The following LATS2 variants were observed in gnomAD, a reference collection of about 807,000 sequenced individuals.
The protein encoded by LATS2 is serine/threonine-protein kinase LATS2.
Under a neutral mutation model 76.0 loss-of-function variants are expected in LATS2, and 24 were observed. The ratio of observed to expected loss-of-function variants is 0.32; its 90% confidence interval spans 0.23 to 0.44. LATS2 has a LOEUF of 0.44. LATS2 is among the 20% of genes least tolerant of loss of function. The probability of loss-of-function intolerance (pLI) is 1.00; values close to 1 mark genes in which losing one functional copy is unlikely to be tolerated. For synonymous variants in LATS2, 692 were observed against 635.4 expected, an observed-to-expected ratio of 1.09 and a Z score of -1.34; for missense variants, 1,286 against 1,481.2, an observed-to-expected ratio of 0.87 and a Z score of 2.16.
chr13:21,048,334 C>T (rs1225017233), intron 1 of LATS2, among the ~76,000 whole-genome samples: 5 of 152,172 alleles, frequency 3.3e-5, no homozygotes, highest in Non-Finnish European at 7.3e-5. Context: ...ACACAAATCA[C>T]TTTGTTTCCA....
At chr13:21,037,121 A>C (rs1872709190) in intron 2 of LATS2, among the ~76,000 whole-genome samples, 1 of 152,222 alleles carries the variant, frequency 6.6e-6, no homozygotes, top group Non-Finnish European at 1.5e-5. Flanking sequence ...ATCATATTTT[A>C]GGACCGGGTG....
intron 2 of LATS2, among the ~76,000 whole-genome samples, chr13:20,998,369 AAATT>A (rs1009533892): frequency 9.5e-4 from 137 of 143,722 alleles, no homozygotes; most frequent in African/African-American, 3.2e-3. Context: ...AAACAAACAA[AAATT>A]AATTAATTAA....
At chr13:21,053,576 G>A (rs1873351420) in intron 1 of LATS2, among the ~76,000 whole-genome samples, 1 of 152,182 alleles carries the variant, frequency 6.6e-6, no homozygotes, top group South Asian at 2.1e-4. Context: ...TGAGGACAAA[G>A]CCTGCCAGTG....
At chr13:20,998,541 A>AT (rs554032036) in intron 2 of LATS2, among the ~76,000 whole-genome samples, 19 of 152,206 alleles carry the variant, frequency 1.2e-4, no homozygotes, top group East Asian at 7.7e-4. Context: ...AAAGGCCTAG[A>AT]TTTTTTTATG....
chr13:21,035,961 C>T (rs1419976288), intron 2 of LATS2, among the ~76,000 whole-genome samples: 2 of 152,170 alleles, frequency 1.3e-5, no homozygotes, highest in African/African-American at 2.4e-5. Context: ...TGCAGTGGCA[C>T]GATCTTGGCT....
At position 20,988,157 on chromosome 13, in the gene LATS2, C is replaced by T. The variant is rs754558907; in HGVS notation, c.1623G>A (p.Glu541=). ...YDLDSLCAGM[E]QSLRAGPNEP... ...CGTTGGGGCCCGCACGGAGGCTCTG[C>T]TCCATGCCTGCGCACAGGCTGTCCA... The change falls in exon 4 of 8, where the codon GAG becomes GAA. Residue 541 remains glutamate, a synonymous_variant. Transcript: ENST00000382592. 2.1e-5 allele frequency: 34 copies of T among 1,613,980 alleles called. No individual in the cohort carries two copies. In the East Asian group the frequency reaches 7.4e-4, roughly 35 times the overall value.
intron 2 of LATS2, among the ~76,000 whole-genome samples, chr13:21,037,248 A>T (rs1315009771): frequency 6.6e-6 from 1 of 152,156 alleles, no homozygotes; most frequent in Non-Finnish European, 1.5e-5. Context: ...CTACAAAAAT[A>T]CAAAAATTAG....
chr13:21,029,901 G>A (rs7491109), intron 2 of LATS2, among the ~76,000 whole-genome samples: 152,218 of 152,218 alleles, frequency 1, 76,109 homozygotes, highest in Non-Finnish European at 1. Context: ...TGGCAGGCAG[G>A]TCATCTGAGG....
intron 1 of LATS2, among the ~76,000 whole-genome samples, chr13:21,052,776 C>T (rs539275203): frequency 7.7e-6 from 1 of 129,896 alleles, no homozygotes; most frequent in South Asian, 2.4e-4. Context: ...CTGAAACGTG[C>T]CTGCAGCCAG....
chr13:20,988,976 T>G lies in LATS2; in HGVS notation c.804A>C (p.Gly268=). 1 of 1,541,116 alleles carries G rather than the reference T, an allele frequency of 6.5e-7. No individual in the cohort carries two copies. Among genetic ancestry groups the G allele is most frequent in the Non-Finnish European group, 8.7e-7 (1 of 1,149,218 alleles). The change falls in exon 4 of 8, where the codon GGA becomes GGC. Residue 268 remains glycine (G), a synonymous_variant. Coordinates refer to ENST00000382592, the MANE Select transcript of LATS2 (RefSeq NM_014572.3). The part of the protein sequence containing the change: ...LLVPGEPLGY[G]VQRSPSFQSK... ...TCTGGAAGGAGGGGCTGCGCTGCAC[T>G]CCGTAGCCCAGGGGTTCCCCAGGCA...
intron 2 of LATS2, among the ~76,000 whole-genome samples, chr13:21,007,364 C>T (rs950335719): frequency 6.7e-6 from 1 of 149,614 alleles, no homozygotes; most frequent in African/African-American, 2.5e-5. Context: ...ATCCTCCATA[C>T]TGATTATAAA....
Position 20,983,517 on chromosome 13 carries a change from T to G in LATS2, c.2189A>C (p.Lys730Thr). The change falls in exon 5 of 8, where the codon AAA (lysine) becomes ACA (threonine). Residue 730 changes from lysine to threonine, a missense_variant. This residue lies in a region of LATS2 where 247 missense variants were observed against 385.4 expected (regional missense o/e 0.64). Transcript: ENST00000382592. ...TTTGTCTTGGAAGGAGTAGTAGAGT[T>G]TGACCACCCACTCATTGTCTGCCTC... ...LAEADNEWVV[K>T]LYYSFQDKDS... 2 of 1,614,102 alleles carry G rather than the reference T, an allele frequency of 1.2e-6. No individual in the cohort carries two copies. Among genetic ancestry groups the G allele is most frequent in the South Asian group, 1.1e-5 (1 of 91,082 alleles).
At chr13:21,049,685 C>G (rs946925869) in intron 1 of LATS2, among the ~76,000 whole-genome samples, 1 of 152,146 alleles carries the variant, frequency 6.6e-6, no homozygotes, top group African/African-American at 2.4e-5. Flanking sequence ...GAAAAAGAAC[C>G]ATGAGAAAGT....
chr13:20,988,073 A>G lies in LATS2; in HGVS notation c.1707T>C (p.Asp569=). The G allele has an allele frequency of 6.2e-7, 1 of 1,614,170 alleles. No homozygotes were observed. The highest frequency in any genetic ancestry group is 8.5e-7 in the Non-Finnish European group (1 of 1,180,024). The change falls in exon 4 of 8, where the codon GAT becomes GAC. Residue 569 remains aspartate (D), a synonymous_variant. Coordinates refer to ENST00000382592, the MANE Select transcript of LATS2 (RefSeq NM_014572.3). ...CGGGAGAGGTCTGAATCTGCTTTTT[A>G]TCCTTTCCGCCTTTGTCCCCCTTGG... ...KSAKGDKGGK[D]KKQIQTSPVP...
chr13:21,041,194 G>C (rs888132883), intron 2 of LATS2, among the ~76,000 whole-genome samples: 1 of 152,010 alleles, frequency 6.6e-6, no homozygotes, highest in Non-Finnish European at 1.5e-5. Flanking sequence ...GGATGGTCTC[G>C]ACCTCCTGAC....
In LATS2 at chr13:20,981,533, C is replaced by G. The variant is rs1869883884; in HGVS notation, c.2598G>C (p.Gln866His). Residue 866 changes from glutamine to histidine, a missense_variant, in exon 6 of 8, where the codon CAG becomes CAC. Physicochemically the swap from Gln to His is conservative, Grantham distance 24 (BLOSUM62 0). Around this residue, in one of 5 missense-constraint regions of LATS2, gnomAD observed 247 missense variants for 385.4 expected, o/e 0.64. Coordinates refer to ENST00000382592, the MANE Select transcript of LATS2 (RefSeq NM_014572.3). ...TLEQRARKQH[Q>H]RCLAHSLVGT... Reference sequence around the variant, plus strand: ...CCACCAGTGAATGTGCCAGGCACCTCTGGTGCTGCTTCCGCGCCCTCTGCT... The same window carrying G: ...CCACCAGTGAATGTGCCAGGCACCTGTGGTGCTGCTTCCGCGCCCTCTGCT... 5 of 1,614,062 alleles carry G rather than the reference C, an allele frequency of 3.1e-6. No individual in the cohort carries two copies. Among genetic ancestry groups the G allele is most frequent in the Non-Finnish European group, 3.4e-6 (4 of 1,180,042 alleles).
intron 2 of LATS2, among the ~76,000 whole-genome samples, chr13:21,007,760 A>ATATT (rs1271169637): frequency 4.4e-4 from 2 of 4,558 alleles, no homozygotes; most frequent in Non-Finnish European, 3.3e-4. Context: ...ATATATATAT[A>ATATT]TTTTTTTTTT....
chr13:21,025,560 C>A (rs918928387), intron 2 of LATS2, among the ~76,000 whole-genome samples: 1 of 152,110 alleles, frequency 6.6e-6, no homozygotes, highest in African/African-American at 2.4e-5. Context: ...TGGTGTCATG[C>A]AGGATGGATC....
intron 1 of LATS2, among the ~76,000 whole-genome samples, chr13:21,056,142 T>A (rs570666613): frequency 2.6e-4 from 39 of 152,294 alleles, no homozygotes; most frequent in African/African-American, 9.1e-4. Flanking sequence ...TGGGTCTTTT[T>A]TTTTGGTGGG....
Sources: allele counts gnomAD v4.1 joint callset (sites outside exome capture counted in the v4.1 genomes callset), GRCh38; gene constraint gnomAD v4.1.1; regional missense constraint gnomAD v4.1.1; transcripts MANE v1.5; gene names NCBI Gene and HGNC (gene_info 2026-07-23, HGNC 2026-07-21).